Variants in UNC93A observed in about 807,000 individuals in gnomAD.
UNC93A encodes the protein N-acetylglucosamine transporter UNC93A.
A neutral mutation model predicts 47.5 loss-of-function variants in UNC93A; 43 were observed. The ratio of observed to expected loss-of-function variants is 0.91; its 90% CI spans 0.71 to 1.17. The LOEUF is 1.17. UNC93A is among the 50% of genes most tolerant of loss of function. The pLI is 0.00. For synonymous variants in UNC93A, 280 were observed against 258.0 expected (o/e 1.09, Z -0.82); for missense variants, 605 against 577.6 (o/e 1.05, Z -0.49).
rs1778076060 is a variant in UNC93A at position 167,296,012 on chromosome 6, G to T, written c.270-20G>T. ...CTTGCGTCTCCTGTTACAGGCTATG[G>T]GTCTGCATTTTACCCACAGGTACAC... On this transcript the variant is annotated intron_variant, in intron 2 of 7. Coordinates refer to ENST00000230256, the MANE Select transcript of UNC93A (RefSeq NM_018974.4). 2 of 1,611,156 alleles carry T rather than the reference G, an allele frequency of 1.2e-6. No homozygotes were observed. The highest frequency in any genetic ancestry group is 1.7e-6 in the Non-Finnish European group (2 of 1,177,536).
At chr6:167,269,777 T>G (rs867472722), upstream of UNC93A, among the ~76,000 whole-genome samples, 65 of 151,628 alleles carry the variant, frequency 4.3e-4, no homozygotes, top group Middle Eastern at 3.4e-3. Context: ...TGGCTTTTTT[T>G]TGTGTGTGTG....
At position 167,305,959 on chromosome 6, in the gene UNC93A, G is replaced by A. The variant is rs746299935; in HGVS notation, c.885G>A (p.Val295=). The change falls in exon 6 of 8, where the codon GTG becomes GTA. Residue 295 remains valine, a synonymous_variant. Coordinates refer to ENST00000230256, the MANE Select transcript of UNC93A (RefSeq NM_018974.4). ...TGGGCATCCAGTTCGTCGGCTACGT[G>A]ATGATCTGCTTCTCGGCCACTGACG... ...CTLGIQFVGY[V]MICFSATDAL... 1.2e-6 allele frequency: 2 copies of A among 1,614,210 alleles called. No individual in the cohort carries two copies. Among genetic ancestry groups the A allele is most frequent in the Non-Finnish European group, 1.7e-6 (2 of 1,180,044 alleles).
At chr6:167,293,884 G>A (rs1764178674) in intron 1 of UNC93A, among the ~76,000 whole-genome samples, 1 of 152,220 alleles carries the variant, frequency 6.6e-6, no homozygotes, top group Admixed American at 6.5e-5. Context: ...CCCTGGAGCT[G>A]AGGTCTGGAT....
At chr6:167,272,595 A>G (rs1783467131) in intron 1 of UNC93A, among the ~76,000 whole-genome samples, 1 of 152,184 alleles carries the variant, frequency 6.6e-6, no homozygotes, top group South Asian at 2.1e-4. Context: ...AATCAAATAC[A>G]TTTAAGAAGT....
Position 167,283,488 on chromosome 6 carries a change from C to T in UNC93A, c.-51-7951C>T, listed in dbSNP as rs185100872. 2.1e-3 allele frequency among the ~76,000 whole-genome samples: 324 copies of T among 152,218 alleles called. 1 individual carries two copies. The highest frequency in any genetic ancestry group is 3.7e-3 in the Non-Finnish European group (251 of 68,008). On this transcript the variant is annotated intron_variant, in intron 1 of 3. Transcript: ENST00000503433. ...GCTGAAAAGAGGGGTCCATTCAGTC[C>T]GTTGCGGGTCTTACAATTTCATTTT...
chr6:167,307,964 C>G, intron 7 of UNC93A, 54 bp downstream of exon 7: 1 of 1,602,042 alleles, frequency 6.2e-7, no homozygotes, highest in Non-Finnish European at 8.5e-7. Context: ...CGGTCCCTGG[C>G]CAAGGCAACT....
chr6:167,303,368 A>G (rs370076397), intron 4 of UNC93A, among the ~76,000 whole-genome samples: 1 of 152,156 alleles, frequency 6.6e-6, no homozygotes, highest in Non-Finnish European at 1.5e-5. Context: ...CCATCCGTGT[A>G]TAAAGAGCTT....
intron 1 of UNC93A, among the ~76,000 whole-genome samples, chr6:167,274,832 A>G (rs528287926): frequency 6.6e-6 from 1 of 151,282 alleles, no homozygotes; most frequent in South Asian, 2.1e-4. Context: ...CCCATTCCCT[A>G]TGCAGTCGAC....
At chr6:167,308,266 G>C (rs1361546994) in intron 7 of UNC93A, among the ~76,000 whole-genome samples, 3 of 152,052 alleles carry the variant, frequency 2.0e-5, no homozygotes, top group Non-Finnish European at 2.9e-5. Context: ...AGATGTGCTT[G>C]TGAGCAGAGG....
At chr6:167,278,319 A>T (rs1197832041) in intron 1 of UNC93A, among the ~76,000 whole-genome samples, 1 of 152,170 alleles carries the variant, frequency 6.6e-6, no homozygotes, top group Non-Finnish European at 1.5e-5. Flanking sequence ...AGTGCCACAG[A>T]GAAGCAGCCA....
chr6:167,294,480 A>C lies in UNC93A; in HGVS notation c.88-37A>C, dbSNP rs372897278. ...GCTGGTGCCTCATCCCGCTGTGTCC[A>C]TCCTGTGCTCTGACAGGGCTGGCTT... On this transcript the variant is annotated intron_variant, in intron 1 of 7. Coordinates refer to ENST00000230256, the MANE Select transcript of UNC93A (RefSeq NM_018974.4). 32 of 1,611,350 alleles carry C rather than the reference A, an allele frequency of 2.0e-5. No homozygotes were observed. In the African/African-American group the frequency reaches 4.3e-4, roughly 22 times the overall value.
chr6:167,285,891 C>T lies in UNC93A; in HGVS notation c.-51-5548C>T, dbSNP rs1783718859. On this transcript the variant is annotated intron_variant, in intron 1 of 3. Transcript: ENST00000503433. The stretch of plus-strand genomic sequence containing the variant: ...GCATGAAATAAAAAGAGTAAACATA[C>T]CCCTTTCCTCCCACCAATTCTATGT... 1.3e-5 allele frequency among the ~76,000 whole-genome samples: 2 copies of T among 150,926 alleles called. 1 individual carries two copies. Among genetic ancestry groups the T allele is most frequent in the East Asian group, 3.9e-4 (2 of 5,064 alleles).
At chr6:167,307,964 C>T (rs1001045804) in intron 7 of UNC93A, 54 bp downstream of exon 7, 143 of 1,601,924 alleles carry the variant, frequency 8.9e-5, no homozygotes, top group Non-Finnish European at 1.2e-4. Context: ...CGGTCCCTGG[C>T]CAAGGCAACT....
At chr6:167,290,658 A>G (rs573381411), upstream of UNC93A, among the ~76,000 whole-genome samples, 2 of 152,326 alleles carry the variant, frequency 1.3e-5, no homozygotes, top group East Asian at 3.9e-4. Context: ...TCATTTTATC[A>G]GTTGCACTTG....
chr6:167,303,194 A>G (rs893016373), intron 4 of UNC93A, among the ~76,000 whole-genome samples: 3 of 152,218 alleles, frequency 2.0e-5, no homozygotes, highest in African/African-American at 2.4e-5. Flanking sequence ...TTCTGCACCC[A>G]TAGAAAGTCC....
rs368949047 is a variant in UNC93A, at chr6:167,304,043, G to A, written c.750G>A (p.Lys250=). 1.9e-6 allele frequency: 3 copies of A among 1,613,924 alleles called. No homozygotes were observed. In the African/African-American group the frequency reaches 4.0e-5, roughly 22 times the overall value. The change falls in exon 5 of 8, where the codon AAG becomes AAA. Residue 250 remains lysine (K), a synonymous_variant. Coordinates refer to ENST00000230256, the MANE Select transcript of UNC93A (RefSeq NM_018974.4). ...PFWSTLLSTF[K]LYRDKRLCLL... The stretch of plus-strand genomic sequence containing the variant: ...GGTCCACTTTACTGTCGACTTTCAA[G>A]CTATATAGAGATAAACGTCTGTGCC...
chr6:167,299,347 A>AGG (rs1011258817), intron 4 of UNC93A, among the ~76,000 whole-genome samples: 9 of 152,070 alleles, frequency 5.9e-5, no homozygotes, highest in African/African-American at 1.9e-4. Context: ...GTCAGAGGTG[A>AGG]GGAGGGTTCG....
chr6:167,282,645 T>C (rs1783652506), intron 1 of UNC93A, among the ~76,000 whole-genome samples: 1 of 152,154 alleles, frequency 6.6e-6, no homozygotes, highest in Admixed American at 6.5e-5. Flanking sequence ...GTGGATTCTA[T>C]ATGTTGATGA....
chr6:167,291,944 A>G (rs1783850818), intron 1 of UNC93A, among the ~76,000 whole-genome samples: 1 of 152,204 alleles, frequency 6.6e-6, no homozygotes, highest in Non-Finnish European at 1.5e-5. Flanking sequence ...GGTTAGGGGC[A>G]GCCATGTGAA....
Sources: allele counts gnomAD v4.1 joint callset (sites outside exome capture counted in the v4.1 genomes callset), GRCh38; gene constraint gnomAD v4.1.1; transcripts MANE v1.5; gene names NCBI Gene and HGNC (gene_info 2026-07-23, HGNC 2026-07-21).